The following DZIP3 variants were observed in gnomAD, a reference collection of about 807,000 sequenced individuals.
DZIP3 encodes the protein DAZ interacting zinc finger protein 3.
In DZIP3, 118 loss-of-function variants were observed where a neutral mutation model predicts 162.0. That is an observed-to-expected ratio of 0.73 (90% CI 0.63 to 0.85). The LOEUF (loss-of-function observed/expected upper bound fraction) is 0.85. Among genes scored for constraint, DZIP3 ranks in the 40% least tolerant of loss-of-function variants. The pLI is 0.00. For missense variants in DZIP3, 1,331 were observed against 1,407.0 expected (o/e 0.95, Z 0.86); for synonymous variants, 438 against 458.6 (o/e 0.96, Z 0.57).
intron 7 of DZIP3, among the ~76,000 whole-genome samples, chr3:108,627,940 G>A (rs567795281): frequency 1.3e-5 from 2 of 152,074 alleles, no homozygotes; most frequent in African/African-American, 2.4e-5. Context: ...GTGCTGTGGC[G>A]CGATCTCGGC....
At chr3:108,631,093 T>TCTCTCTCTCTCTCC (rs1235604547) in intron 8 of DZIP3, among the ~76,000 whole-genome samples, 4 of 144,718 alleles carry the variant, frequency 2.8e-5, no homozygotes, top group South Asian at 2.2e-4. Context: ...TCTCTCTCTC[T>TCTCTCTCTCTCTCC]CCTATCCTAC....
At position 108,689,644 on chromosome 3, in the gene DZIP3, G is replaced by A. The variant is rs190091802; in HGVS notation, c.3516+720G>A. 1.8e-3 allele frequency among the ~76,000 whole-genome samples: 273 copies of A among 152,226 alleles called. 1 individual carries two copies. Among genetic ancestry groups the A allele is most frequent in the African/African-American group, 6.3e-3 (263 of 41,534 alleles). ...GGTGCTTGCAGTGAGCCGAGATCGG[G>A]CCCCTGCACTCCAGCCTGGGTGATA... On this transcript the variant is annotated intron_variant, in intron 31 of 32. Coordinates refer to ENST00000361582, the MANE Select transcript of DZIP3 (RefSeq NM_014648.4).
rs369584975 is a variant in DZIP3 at position 108,676,272 on chromosome 3, C to T, written c.2781+399C>T. 2.6e-5 allele frequency among the ~76,000 whole-genome samples: 4 copies of T among 152,058 alleles called. No homozygotes were observed. In the East Asian group the frequency reaches 5.8e-4, roughly 22 times the overall value. On this transcript the variant is annotated intron_variant, in intron 25 of 32. Transcript: ENST00000361582. ...CGGTTATGGTGAGTTATGATCATGCCACTGTACTACAGCCTGGACAATAGA... is the reference window on the plus strand; with the variant it reads ...CGGTTATGGTGAGTTATGATCATGCTACTGTACTACAGCCTGGACAATAGA...
At chr3:108,665,702 G>C (rs1384235990) in intron 21 of DZIP3, among the ~76,000 whole-genome samples, 1 of 152,012 alleles carries the variant, frequency 6.6e-6, no homozygotes, top group Non-Finnish European at 1.5e-5. Context: ...CAAAGAAAAG[G>C]CTTGAAAACA....
At chr3:108,661,056 C>T (rs997703374) in intron 19 of DZIP3, among the ~76,000 whole-genome samples, 6 of 152,166 alleles carry the variant, frequency 3.9e-5, no homozygotes, top group Non-Finnish European at 7.4e-5. Flanking sequence ...ACTAGGTCAA[C>T]CATTGTGGAA....
At chr3:108,622,591 T>C (rs1323388010) in intron 5 of DZIP3, among the ~76,000 whole-genome samples, 1 of 152,156 alleles carries the variant, frequency 6.6e-6, no homozygotes, top group Non-Finnish European at 1.5e-5. Flanking sequence ...TGTATGGCCT[T>C]GTTTTGTACC....
At chr3:108,691,154 CT>C (rs1421314800) in intron 32 of DZIP3, 1 of 293,802 alleles carries the variant, frequency 3.4e-6, no homozygotes, top group African/African-American at 2.2e-5. Flanking sequence ...GGAAACATAA[CT>C]GTTAGCATAT....
At chr3:108,612,592 G>A (rs779996111) in intron 4 of DZIP3, among the ~76,000 whole-genome samples, 3 of 152,050 alleles carry the variant, frequency 2.0e-5, no homozygotes, top group Non-Finnish European at 4.4e-5. Context: ...AAAAATCCAA[G>A]GATGCCCAAG....
intron 19 of DZIP3, among the ~76,000 whole-genome samples, chr3:108,656,815 A>G (rs1316492766): frequency 1.4e-4 from 21 of 152,342 alleles, no homozygotes; most frequent in Non-Finnish European, 4.4e-5. Flanking sequence ...GGAGCTGAAA[A>G]CCACAGCACA....
In DZIP3 at chr3:108,674,070, A is replaced by G. The variant is rs767391825; in HGVS notation, c.2590-8A>G. The G allele has an allele frequency of 1.2e-6, 2 of 1,603,354 alleles. No homozygotes were observed. Among genetic ancestry groups the G allele is most frequent in the Non-Finnish European group, 8.5e-7 (1 of 1,171,880 alleles). ...CAACTTCTTTCTCTTTCTCTCAAAA[A>G]CCTGTAGGTGTATTTCTTACAGTGT... On this transcript the variant is annotated splice_region_variant and splice_polypyrimidine_tract_variant and intron_variant, in intron 23 of 32. Transcript: ENST00000361582.
Position 108,686,488 on chromosome 3 carries a change from C to T in DZIP3, c.3053C>T (p.Ala1018Val), listed in dbSNP as rs1188357261. ...AWALPAPVGD[A>V]VPPSAGLRSD... ...GCTCTGCCAGCGCCTGTGGGAGACG[C>T]TGTGCCTCCCAGTGCAGGTCTGCGG... The change falls in exon 28 of 33, where the codon GCT becomes GTT. Residue 1018 changes from alanine to valine, a missense_variant. This residue lies in a region of DZIP3 where 1,278 missense variants were observed against 1,317.1 expected (regional missense o/e 0.97). Transcript: ENST00000361582. The T allele has an allele frequency of 6.2e-7, 1 of 1,611,728 alleles. No homozygotes were observed. Among genetic ancestry groups the T allele is most frequent in the Non-Finnish European group, 8.5e-7 (1 of 1,179,348 alleles).
intron 1 of DZIP3, among the ~76,000 whole-genome samples, chr3:108,592,213 C>A (rs2107408374): frequency 6.6e-6 from 1 of 152,040 alleles, no homozygotes; most frequent in Non-Finnish European, 1.5e-5. Flanking sequence ...AAAGGATAAC[C>A]AGGATAATTG....
upstream of DZIP3, chr3:108,589,592 G>A (rs1423896039): frequency 7.0e-6 from 3 of 431,356 alleles, no homozygotes; most frequent in Non-Finnish European, 1.3e-5. Context: ...TCCAGGACGG[G>A]GGTTGGGAGC....
intron 19 of DZIP3, among the ~76,000 whole-genome samples, chr3:108,656,883 G>C (rs1253086490): frequency 6.6e-6 from 1 of 152,064 alleles, no homozygotes; most frequent in Non-Finnish European, 1.5e-5. Flanking sequence ...TGGAAGAAAG[G>C]GTATCAGTGA....
chr3:108,646,294 G>C (rs1240673396), intron 14 of DZIP3, among the ~76,000 whole-genome samples: 1 of 152,178 alleles, frequency 6.6e-6, no homozygotes, highest in East Asian at 1.9e-4. Context: ...GAGGTTTGCT[G>C]TGTAATTAAC....
intron 18 of DZIP3, among the ~76,000 whole-genome samples, chr3:108,651,390 A>C (rs1292261498): frequency 6.6e-6 from 1 of 151,620 alleles, no homozygotes; most frequent in Non-Finnish European, 1.5e-5. Context: ...AGAACCCCTT[A>C]CCATTTTTCT....
intron 12 of DZIP3, among the ~76,000 whole-genome samples, chr3:108,638,618 A>G (rs1014646935): frequency 2.0e-5 from 3 of 152,066 alleles, no homozygotes; most frequent in Non-Finnish European, 4.4e-5. Flanking sequence ...TGCCCGGCCA[A>G]TTTAGTTTTT....
chr3:108,685,869 T>C (rs1185985989), intron 27 of DZIP3, among the ~76,000 whole-genome samples: 1 of 152,176 alleles, frequency 6.6e-6, no homozygotes, highest in Non-Finnish European at 1.5e-5. Flanking sequence ...TACAGACCTT[T>C]CTCCGTGTAT....
chr3:108,589,674 C>A (rs1019575709), upstream of DZIP3: 29 of 270,786 alleles, frequency 1.1e-4, no homozygotes, highest in African/African-American at 5.8e-4. Flanking sequence ...GGCGAGAAAT[C>A]TCGCGATTTC....
Sources: gnomAD v4.1 joint callset for allele counts (sites outside exome capture counted in the v4.1 genomes callset) on GRCh38, gnomAD v4.1.1 for gene constraint, gnomAD v4.1.1 regional missense constraint, MANE v1.5 for transcripts, NCBI Gene and HGNC (gene_info 2026-07-23, HGNC 2026-07-21) for gene names.